The following CNGA1 variants were observed in gnomAD, a reference collection of about 807,000 sequenced individuals.
The protein encoded by CNGA1 is cyclic nucleotide gated channel subunit alpha 1.
Under a neutral mutation model 69.7 loss-of-function variants are expected in CNGA1, and 53 were observed. The observed-to-expected ratio is 0.76, with a 90% CI of 0.61 to 0.96. The LOEUF is 0.96. CNGA1 is among the 40% of genes least tolerant of loss of function. The pLI is 0.00. For synonymous variants in CNGA1, 249 were observed against 283.5 expected (o/e 0.88, Z 1.22); for missense variants, 739 against 811.2 (o/e 0.91, Z 1.08).
chr4:47,960,313 C>T (rs1403364456), intron 3 of CNGA1, among the ~76,000 whole-genome samples: 1 of 152,206 alleles, frequency 6.6e-6, no homozygotes, highest in Admixed American at 6.5e-5. Flanking sequence ...ACCTCTTTGG[C>T]AAACTGTCTG....
At chr4:47,978,259 G>A (rs1578106360) in intron 3 of CNGA1, among the ~76,000 whole-genome samples, 2 of 152,196 alleles carry the variant, frequency 1.3e-5, no homozygotes, top group East Asian at 3.9e-4. Flanking sequence ...GTACTTTAAA[G>A]AGATTTTTTT....
intron 2 of CNGA1, among the ~76,000 whole-genome samples, chr4:47,993,101 T>C (rs988560671): frequency 6.6e-6 from 1 of 152,176 alleles, no homozygotes; most frequent in African/African-American, 2.4e-5. Flanking sequence ...GCTAGTATTT[T>C]GTTAATTTTA....
chr4:47,992,176 T>C (rs760821213), intron 2 of CNGA1, among the ~76,000 whole-genome samples: 3 of 152,090 alleles, frequency 2.0e-5, no homozygotes, highest in African/African-American at 7.2e-5. Context: ...ATATGAATTT[T>C]AGAATTTTTT....
intron 3 of CNGA1, among the ~76,000 whole-genome samples, chr4:47,953,289 C>T (rs1226539773): frequency 6.6e-6 from 1 of 152,110 alleles, no homozygotes; most frequent in East Asian, 1.9e-4. Context: ...TAAGAATGTA[C>T]CAGACTTATA....
At position 48,010,272 on chromosome 4, in the gene CNGA1, C is replaced by A. The variant is rs993082610; in HGVS notation, c.-123+522G>T. On this transcript the variant is annotated intron_variant, in intron 2 of 10. Coordinates refer to ENST00000514170, the MANE Select transcript of CNGA1 (RefSeq NM_001379270.1). ...GAGACCAATTTTATTTAGATAGGGA[C>A]TATTTATTTTTTAACTGGATCTCTA... Among the ~76,000 whole-genome samples, 5 of 152,280 alleles carry A rather than the reference C, an allele frequency of 3.3e-5. No homozygotes were observed. In the South Asian group the frequency reaches 1.0e-3, roughly 32 times the overall value.
chr4:47,984,337 G>T, intron 2 of CNGA1, among the ~76,000 whole-genome samples: 1 of 152,036 alleles, frequency 6.6e-6, no homozygotes, highest in African/African-American at 2.4e-5. Flanking sequence ...GTCCCTTGAG[G>T]CCCGGTGTGG....
chr4:47,951,417 C>T lies in CNGA1; in HGVS notation c.160G>A (p.Glu54Lys). ...SASTSEESENENPHARGSFSY... is the reference protein window; with the variant it reads ...SASTSEESENKNPHARGSFSY... The stretch of plus-strand genomic sequence containing the variant: ...AAGGAACCCCTTGCATGAGGGTTTT[C>T]ATTCTCTGATTCTTCAGATGTAGAG... The change falls in exon 5 of 11, where the codon GAA (glutamate) becomes AAA (lysine). Residue 54 changes from glutamate to lysine, a missense_variant. Glu to Lys is a moderately conservative substitution (Grantham distance 56, BLOSUM62 1). Coordinates refer to ENST00000514170, the MANE Select transcript of CNGA1 (RefSeq NM_001379270.1). The T allele has an allele frequency of 6.2e-7, 1 of 1,613,902 alleles. No homozygotes were observed. Among genetic ancestry groups the T allele is most frequent in the African/African-American group, 1.3e-5 (1 of 75,056 alleles).
chr4:47,949,151 C>T (rs993458471), intron 6 of CNGA1, among the ~76,000 whole-genome samples: 3 of 152,198 alleles, frequency 2.0e-5, no homozygotes, highest in African/African-American at 4.8e-5. Flanking sequence ...GGCACTCATT[C>T]CCCACTTGCC....
At chr4:47,966,727 C>G (rs1043389191) in intron 3 of CNGA1, among the ~76,000 whole-genome samples, 2 of 152,128 alleles carry the variant, frequency 1.3e-5, no homozygotes, top group African/African-American at 4.8e-5. Context: ...CCTTTAGGAT[C>G]AGTTCTTGCA....
intron 3 of CNGA1, among the ~76,000 whole-genome samples, chr4:47,970,709 C>G (rs559859924): frequency 6.6e-6 from 1 of 150,910 alleles, no homozygotes; most frequent in Non-Finnish European, 1.5e-5. Context: ...ATTGCCCTTT[C>G]TTCTGCCACA....
intron 3 of CNGA1, among the ~76,000 whole-genome samples, chr4:47,971,485 T>C (rs948413201): frequency 6.6e-6 from 1 of 152,170 alleles, no homozygotes; most frequent in Non-Finnish European, 1.5e-5. Context: ...AAATATGAAT[T>C]ATATCATTCA....
intron 2 of CNGA1, among the ~76,000 whole-genome samples, chr4:48,000,073 G>A (rs13101843): frequency 1.3e-5 from 2 of 152,058 alleles, no homozygotes; most frequent in African/African-American, 4.8e-5. Flanking sequence ...AGAAAATGTA[G>A]ATGATAAAAT....
chr4:47,946,555 T>C (rs1055764492), intron 6 of CNGA1, among the ~76,000 whole-genome samples: 5 of 152,242 alleles, frequency 3.3e-5, no homozygotes, highest in Non-Finnish European at 2.9e-5. Flanking sequence ...TAGTCCACTA[T>C]ATCTGCATCA....
chr4:47,980,582 C>T (rs1223352470), intron 3 of CNGA1, among the ~76,000 whole-genome samples: 2 of 150,626 alleles, frequency 1.3e-5, no homozygotes, highest in Admixed American at 1.3e-4. Context: ...TCAAGTGATC[C>T]TCCCACCTCA....
intron 3 of CNGA1, among the ~76,000 whole-genome samples, chr4:47,964,966 C>A (rs1172022702): frequency 6.6e-6 from 1 of 152,098 alleles, no homozygotes; most frequent in Admixed American, 6.6e-5. Flanking sequence ...GCCTTTACAA[C>A]ATTTTTTTCT....
chr4:47,967,317 CA>C (rs1310844268), intron 3 of CNGA1, among the ~76,000 whole-genome samples: 2 of 150,702 alleles, frequency 1.3e-5, no homozygotes, highest in African/African-American at 4.9e-5. Context: ...AACAAAAAAA[CA>C]AAACAAAAAA....
chr4:47,995,145 C>A (rs866116521), intron 2 of CNGA1, among the ~76,000 whole-genome samples: 4 of 152,004 alleles, frequency 2.6e-5, no homozygotes, highest in Admixed American at 6.6e-5. Context: ...AACCTGATGA[C>A]AATGTGCCTA....
intron 3 of CNGA1, among the ~76,000 whole-genome samples, chr4:47,962,212 T>A (rs926610151): frequency 8.6e-5 from 13 of 151,722 alleles, no homozygotes; most frequent in African/African-American, 3.1e-4. Context: ...GGTGTGGTGG[T>A]GTGTGCCTGT....
intron 3 of CNGA1, among the ~76,000 whole-genome samples, chr4:47,960,888 A>T (rs1242935529): frequency 6.6e-6 from 1 of 152,232 alleles, no homozygotes; most frequent in Non-Finnish European, 1.5e-5. Context: ...AAGTAAAAAT[A>T]GTAGTTGTCT....
Sources: gnomAD v4.1 joint callset for allele counts (sites outside exome capture counted in the v4.1 genomes callset) on GRCh38, gnomAD v4.1.1 for gene constraint, MANE v1.5 for transcripts, NCBI Gene and HGNC (gene_info 2026-07-23, HGNC 2026-07-21) for gene names.